EOGT: variants seen among roughly 807,000 people sequenced by gnomAD.
The protein encoded by EOGT is EGF domain specific O-linked N-acetylglucosamine transferase, also known as EGF domain-specific O-linked N-acetylglucosamine transferase.
A neutral mutation model predicts 70.5 loss-of-function variants in EOGT; 55 were observed. That is an observed-to-expected ratio of 0.78 (90% CI 0.63 to 0.98). The LOEUF (loss-of-function observed/expected upper bound fraction) is 0.98, where lower values mean the gene tolerates loss of function less well. Among genes scored for constraint, EOGT ranks in the 50% least tolerant of loss-of-function variants. The pLI is 0.00. For synonymous variants in EOGT, 246 were observed against 217.1 expected (o/e 1.13, Z -1.17); for missense variants, 703 against 641.9 (o/e 1.10, Z -1.03).
At chr3:68,978,991 GACA>G (rs1276855626) in intron 16 of EOGT, among the ~76,000 whole-genome samples, 1 of 152,142 alleles carries the variant, frequency 6.6e-6, no homozygotes, top group Non-Finnish European at 1.5e-5. Context: ...GGAAGTTCAT[GACA>G]ACTTTTTTCC....
At chr3:68,981,700 T>C (rs1485292173) in intron 15 of EOGT, among the ~76,000 whole-genome samples, 3 of 152,150 alleles carry the variant, frequency 2.0e-5, no homozygotes, top group African/African-American at 7.2e-5. Context: ...ATGTAAATAT[T>C]TGGTAAGTTT....
rs887342814 is a variant in EOGT, at chr3:68,977,895, T to G, written c.1438-131A>C. ...ACATCAGAGACCAGCAAACTTTTCC[T>G]GATAAGGGCCAGATGATAAATATTT... On this transcript the variant is annotated intron_variant, in intron 17 of 17. Transcript: ENST00000383701. The G allele has an allele frequency of 1.2e-5, 10 of 846,040 alleles. No homozygotes were observed. The African/African-American group carries it at 1.4e-4, about 12-fold the overall frequency. 52.4% of individuals were successfully genotyped at this position (846,040 alleles called of 1,614,324 possible).
At chr3:68,984,193 T>C (rs1251288184) in intron 14 of EOGT, among the ~76,000 whole-genome samples, 1 of 148,368 alleles carries the variant, frequency 6.7e-6, no homozygotes, top group Non-Finnish European at 1.5e-5. Context: ...TGACCAACAT[T>C]TAATCCCCTC....
chr3:68,986,650 A>T (rs1385937693), intron 14 of EOGT, among the ~76,000 whole-genome samples: 1 of 152,166 alleles, frequency 6.6e-6, no homozygotes, highest in Non-Finnish European at 1.5e-5. Context: ...ATGTGAGTAC[A>T]AACCCCCATC....
At chr3:69,005,344 C>A in intron 6 of EOGT, 110 bp from the exon 7 acceptor site, 1 of 560,284 alleles carries the variant, frequency 1.8e-6, no homozygotes, top group Non-Finnish European at 3.2e-6. Context: ...TCAAACCACA[C>A]AACATGACAA....
Position 68,982,836 on chromosome 3 carries a change from C to T in EOGT, c.1189G>A (p.Val397Ile). 5 of 1,606,000 alleles carry T rather than the reference C, an allele frequency of 3.1e-6. No individual in the cohort carries two copies. The highest frequency in any genetic ancestry group is 4.2e-6 in the Non-Finnish European group (5 of 1,176,528). Residue 397 changes from valine to isoleucine, a missense_variant, in exon 15 of 18, where the codon GTC becomes ATC. Physicochemically the swap from Val to Ile is conservative, Grantham distance 29 (BLOSUM62 3). Transcript: ENST00000383701. ...NALKTVSTFE[V>I]QIVDYKYREL... is the part of the protein sequence containing the mutation. ...CTATACTTGTAATCAACAATCTGGA[C>T]TTCAAATGTAGATACTGTTTTCAGT... is the stretch of plus-strand genomic sequence containing the variant.
rs184345419 is a variant in EOGT at position 69,007,606 on chromosome 3, C to T, written c.420+107G>A. On this transcript the variant is annotated intron_variant, in intron 6 of 17. Coordinates refer to ENST00000383701, the MANE Select transcript of EOGT (RefSeq NM_001278689.2). ...GGCAGAGGTTGCAGTGAGCTGGGAT[C>T]GCGCCACTGCACTCCAGCCAGGGCA... is the stretch of plus-strand genomic sequence containing the variant. 9.3e-4 allele frequency: 486 copies of T among 520,836 alleles called. 2 individuals carry two copies. The highest frequency in any genetic ancestry group is 9.1e-3 in the African/African-American group (423 of 46,558). 32.3% of individuals were successfully genotyped at this position (520,836 alleles called of 1,614,324 possible).
chr3:68,975,471 CAGT>C lies in EOGT; in HGVS notation c.*2144_*2146del, dbSNP rs1444364223. On this transcript the variant is annotated 3_prime_UTR_variant, in exon 18 of 18. Coordinates refer to ENST00000383701, the MANE Select transcript of EOGT (RefSeq NM_001278689.2). ...AATTGTTCTCAATTTCTGAAATTCT[CAGT>C]AGTCTATAGTATCCCATTTTCACAT... is the stretch of plus-strand genomic sequence containing the variant. The C allele has an allele frequency of 2.0e-5, 3 of 152,260 alleles. No individual in the cohort carries two copies. Among genetic ancestry groups the C allele is most frequent in the African/African-American group, 7.2e-5 (3 of 41,406 alleles). 9.4% of individuals were successfully genotyped at this position (152,260 alleles called of 1,614,324 possible).
At chr3:69,001,830 T>C in intron 8 of EOGT, 116 bp from the exon 9 acceptor site, 3 of 669,726 alleles carry the variant, frequency 4.5e-6, no homozygotes, top group South Asian at 1.7e-5. Flanking sequence ...GTACAGACAC[T>C]CCTATGGACA....
intron 5 of EOGT, 30 bp downstream of exon 5, chr3:69,008,398 T>C: frequency 6.7e-7 from 1 of 1,483,266 alleles, no homozygotes; most frequent in Non-Finnish European, 9.4e-7. Flanking sequence ...AGAGGAAGAC[T>C]TGAAGAGGGT....
intron 10 of EOGT, among the ~76,000 whole-genome samples, chr3:68,996,358 G>T (rs1245641457): frequency 6.6e-6 from 1 of 152,196 alleles, no homozygotes; most frequent in South Asian, 2.1e-4. Context: ...TTCTGCATGA[G>T]AATTTGACCT....
intron 10 of EOGT, among the ~76,000 whole-genome samples, chr3:68,996,791 G>A (rs1005715399): frequency 1.3e-5 from 2 of 152,226 alleles, no homozygotes; most frequent in Non-Finnish European, 2.9e-5. Flanking sequence ...CCGAGCATAT[G>A]AGTGTCGTGA....
At position 69,006,781 on chromosome 3, in the gene EOGT, T is replaced by C. The variant is rs140236929; in HGVS notation, c.420+932A>G. Among the ~76,000 whole-genome samples the C allele has an allele frequency of 4.8e-3, 725 of 152,336 alleles. 9 individuals are homozygous for C. The highest frequency in any genetic ancestry group is 0.016 in the African/African-American group (672 of 41,576). On this transcript the variant is annotated intron_variant, in intron 6 of 17. Coordinates refer to ENST00000383701, the MANE Select transcript of EOGT (RefSeq NM_001278689.2). ...TTGACAACGTGTTTATCTGATCCACTGAGGTACGATATGGTATGGTTGAAA... is the reference window on the plus strand; with the variant it reads ...TTGACAACGTGTTTATCTGATCCACCGAGGTACGATATGGTATGGTTGAAA...
At chr3:68,980,704 T>G (rs1466488405) in intron 15 of EOGT, among the ~76,000 whole-genome samples, 1 of 152,166 alleles carries the variant, frequency 6.6e-6, no homozygotes, top group East Asian at 1.9e-4. Flanking sequence ...TGTATGTGTA[T>G]CACAACGAGA....
In EOGT at chr3:68,979,741, T is replaced by C. The variant is rs1347631657; in HGVS notation, c.1261A>G (p.Ile421Val). 4.3e-6 allele frequency: 7 copies of C among 1,613,548 alleles called. No individual in the cohort carries two copies. Among genetic ancestry groups the C allele is most frequent in the East Asian group, 2.2e-5 (1 of 44,842 alleles). ...DQLRITHNTD[I>V]FIGMHGAGLT... The stretch of plus-strand genomic sequence containing the variant: ...CCAGCTCCATGCATTCCAATAAATA[T>C]GTCCGTGTTGTGTGTGATCCTTAGT... Residue 421 changes from isoleucine (I) to valine (V), a missense_variant, in exon 16 of 18, where the codon ATA becomes GTA. Physicochemically the swap from Ile to Val is conservative, Grantham distance 29. Transcript: ENST00000383701.
chr3:69,003,164 G>C (rs1198212488), intron 8 of EOGT, among the ~76,000 whole-genome samples: 2 of 152,090 alleles, frequency 1.3e-5, no homozygotes, highest in South Asian at 4.1e-4. Flanking sequence ...ATTTTAATGA[G>C]TACAGGTAAT....
Position 68,988,195 on chromosome 3 carries a change from A to C in EOGT, c.1083+100T>G. On this transcript the variant is annotated intron_variant, in intron 13 of 17. Transcript: ENST00000383701. ...CTCCCCAGAAAATGTTAACACAAAA[A>C]CATGGTCTCCTGATTATTTCTGTTT... The C allele has an allele frequency of 6.3e-5, 54 of 854,178 alleles. No individual in the cohort carries two copies. In the Middle Eastern group the frequency reaches 1.0e-3, roughly 16 times the overall value. 52.9% of individuals were successfully genotyped at this position (854,178 alleles called of 1,614,324 possible).
intron 10 of EOGT, among the ~76,000 whole-genome samples, chr3:68,994,471 A>G (rs920546289): frequency 6.6e-6 from 1 of 152,214 alleles, no homozygotes; most frequent in African/African-American, 2.4e-5. Flanking sequence ...TGAACTCATT[A>G]TAATCAGGTA....
At chr3:68,981,667 T>C (rs965709905) in intron 15 of EOGT, among the ~76,000 whole-genome samples, 2 of 152,184 alleles carry the variant, frequency 1.3e-5, no homozygotes, top group African/African-American at 4.8e-5. Context: ...AGCCTTTTAG[T>C]TGTGTTAAGA....
Sources: gnomAD v4.1 joint callset for allele counts (sites outside exome capture counted in the v4.1 genomes callset) on GRCh38, gnomAD v4.1.1 for gene constraint, MANE v1.5 for transcripts, NCBI Gene and HGNC (gene_info 2026-07-23, HGNC 2026-07-21) for gene names.